The following HEATR5A variants were observed in gnomAD, a reference collection of about 807,000 sequenced individuals.
HEATR5A encodes the protein HEAT repeat containing 5A.
A neutral mutation model predicts 218.8 loss-of-function variants in HEATR5A; 178 were observed. The ratio of observed to expected loss-of-function variants is 0.81; its 90% CI spans 0.72 to 0.92. The LOEUF is 0.92. Ranked by LOEUF, HEATR5A falls within the 40% of genes least tolerant of loss-of-function variation. The probability of loss-of-function intolerance (pLI) is 0.00; values close to 1 mark genes in which losing one functional copy is unlikely to be tolerated. For missense variants in HEATR5A, 2,420 were observed against 2,418.9 expected, an observed-to-expected ratio of 1.00 and a Z score of -0.01; for synonymous variants, 864 against 871.6, an observed-to-expected ratio of 0.99 and a Z score of 0.15.
At chr14:31,344,552 G>C (rs1900961473) in intron 20 of HEATR5A, among the ~76,000 whole-genome samples, 1 of 150,552 alleles carries the variant, frequency 6.6e-6, no homozygotes, top group Admixed American at 6.6e-5. Context: ...CAAAGTGCTA[G>C]GATTACAGGT....
chr14:31,395,992 A>G (rs937027615), intron 4 of HEATR5A, among the ~76,000 whole-genome samples: 9 of 152,136 alleles, frequency 5.9e-5, no homozygotes, highest in Non-Finnish European at 1.2e-4. Flanking sequence ...TCATCTATAA[A>G]ATGAGGATAA....
intron 21 of HEATR5A, among the ~76,000 whole-genome samples, chr14:31,343,284 G>C (rs1011560997): frequency 2.6e-5 from 4 of 152,158 alleles, no homozygotes; most frequent in East Asian, 1.9e-4. Flanking sequence ...GTAGAGACGG[G>C]GTTTCACCAT....
intron 11 of HEATR5A, among the ~76,000 whole-genome samples, chr14:31,375,730 G>A (rs1902202499): frequency 6.6e-6 from 1 of 152,028 alleles, no homozygotes; most frequent in Non-Finnish European, 1.5e-5. Context: ...ACTTCTGATA[G>A]CAACTTGTTC....
intron 30 of HEATR5A, among the ~76,000 whole-genome samples, chr14:31,307,387 C>G (rs1264450521): frequency 1.3e-5 from 2 of 152,118 alleles, no homozygotes; most frequent in African/African-American, 4.8e-5. Flanking sequence ...AACCCTTTTC[C>G]CATGGCCACA....
At chr14:31,411,948 C>A (rs1409519144) in intron 1 of HEATR5A, among the ~76,000 whole-genome samples, 1 of 152,016 alleles carries the variant, frequency 6.6e-6, no homozygotes, top group Non-Finnish European at 1.5e-5. Context: ...CACTGCCTCC[C>A]AGGTTCAAGC....
intron 1 of HEATR5A, among the ~76,000 whole-genome samples, chr14:31,405,056 C>A: frequency 1.2e-5 from 1 of 81,072 alleles, no homozygotes. Context: ...ACACTGTCTC[C>A]ACCAAAAAAA....
At chr14:31,409,328 G>A (rs61994161) in intron 1 of HEATR5A, among the ~76,000 whole-genome samples, 146,495 of 150,220 alleles carry the variant, frequency 0.98, 71,518 homozygotes, top group Middle Eastern at 1. Flanking sequence ...GATTACAGGC[G>A]TGAGCCACCA....
Position 31,347,249 on chromosome 14 carries a change from T to G in HEATR5A, c.2868+499A>C, listed in dbSNP as rs1425425396. On this transcript the variant is annotated intron_variant, in intron 19 of 35. Coordinates refer to ENST00000543095, the MANE Select transcript of HEATR5A (RefSeq NM_015473.4). ...ATTTTTGAGATAGGGTCTGGCTCTG[T>G]TGCCTAGGCTGGAGCATAGTGGCAC... is the stretch of plus-strand genomic sequence containing the variant. 2.6e-5 allele frequency among the ~76,000 whole-genome samples: 4 copies of G among 152,244 alleles called. 1 individual carries two copies. Among genetic ancestry groups the G allele is most frequent in the Non-Finnish European group, 5.9e-5 (4 of 68,034 alleles).
intron 6 of HEATR5A, 75 bp from the exon 7 acceptor site, chr14:31,389,080 C>T (rs1257090471): frequency 7.6e-7 from 1 of 1,317,348 alleles, no homozygotes; most frequent in Admixed American, 2.2e-5. Flanking sequence ...TTGCAAAAAG[C>T]ATGTTAATAG....
intron 1 of HEATR5A, among the ~76,000 whole-genome samples, chr14:31,406,427 G>A (rs537285496): frequency 6.6e-6 from 1 of 152,200 alleles, no homozygotes; most frequent in African/African-American, 2.4e-5. Context: ...AGTCTAAGCA[G>A]TACTCTAAGT....
chr14:31,330,516 C>A (rs1055758032), intron 22 of HEATR5A, among the ~76,000 whole-genome samples: 1 of 151,974 alleles, frequency 6.6e-6, no homozygotes, highest in Non-Finnish European at 1.5e-5. Context: ...AGGCCAGCGC[C>A]GGTAGCTCAC....
chr14:31,345,001 C>T lies in HEATR5A; in HGVS notation c.3058+86G>A, dbSNP rs138312166. 5.8e-5 allele frequency: 63 copies of T among 1,086,456 alleles called. No individual in the cohort carries two copies. The African/African-American group carries it at 6.0e-4, about 10-fold the overall frequency. 67.3% of individuals were successfully genotyped at this position (1,086,456 alleles called of 1,614,324 possible). A position where few individuals can be genotyped will look rare whatever the true frequency, so the allele number is the denominator to read the frequency against. On this transcript the variant is annotated intron_variant, in intron 20 of 35. Coordinates refer to ENST00000543095, the MANE Select transcript of HEATR5A (RefSeq NM_015473.4). ...TTAACAAAACATACAGCACCTATCA[C>T]GTGCCAAGCATACAGACTAGGAACT...
chr14:31,387,419 A>G, intron 7 of HEATR5A, 44 bp from the exon 8 acceptor site: 1 of 1,357,562 alleles, frequency 7.4e-7, no homozygotes, highest in Admixed American at 2.1e-5. Context: ...AATTGTTTCA[A>G]TTCTGTATTC....
chr14:31,402,471 C>T (rs1004680370), intron 2 of HEATR5A, among the ~76,000 whole-genome samples: 1 of 152,126 alleles, frequency 6.6e-6, no homozygotes, highest in African/African-American at 2.4e-5. Context: ...AGTCTTCATA[C>T]CTTTTTAAAG....
chr14:31,405,619 C>T (rs1214251059), intron 1 of HEATR5A, among the ~76,000 whole-genome samples: 1 of 152,018 alleles, frequency 6.6e-6, no homozygotes, highest in Non-Finnish European at 1.5e-5. Flanking sequence ...CTGGAAGAAC[C>T]CTACTAAATA....
rs546011695 is a variant in HEATR5A, at chr14:31,303,430, T to C, written c.5240-911A>G. Among the ~76,000 whole-genome samples, 11 of 151,872 alleles carry C rather than the reference T, an allele frequency of 7.2e-5. No homozygotes were observed. In the South Asian group the frequency reaches 2.1e-3, roughly 29 times the overall value. ...CCTGGGTGACACAGTAAGACTCCAT[T>C]TCAAAAAACAAACAAACAAAAAACA... On this transcript the variant is annotated intron_variant, in intron 32 of 35. Transcript: ENST00000543095.
intron 22 of HEATR5A, among the ~76,000 whole-genome samples, chr14:31,336,884 T>C (rs902467690): frequency 1.3e-5 from 2 of 152,202 alleles, no homozygotes; most frequent in Admixed American, 1.3e-4. Flanking sequence ...GTGAACATCA[T>C]AGAGTGTACT....
At chr14:31,344,575 G>A (rs1328265316) in intron 20 of HEATR5A, among the ~76,000 whole-genome samples, 3 of 148,888 alleles carry the variant, frequency 2.0e-5, no homozygotes, top group Non-Finnish European at 4.4e-5. Flanking sequence ...AAGCCACTGC[G>A]CCTGACCTAC....
chr14:31,386,678 A>G (rs1369800916), intron 8 of HEATR5A, 103 bp from the exon 9 acceptor site: 6 of 944,460 alleles, frequency 6.4e-6, no homozygotes, highest in Non-Finnish European at 9.4e-6. Context: ...TTACACATAC[A>G]CTTGATCTAT....
Sources: allele counts gnomAD v4.1 joint callset (sites outside exome capture counted in the v4.1 genomes callset), GRCh38; gene constraint gnomAD v4.1.1; transcripts MANE v1.5; gene names NCBI Gene and HGNC (gene_info 2026-07-23, HGNC 2026-07-21).